Variants in STOX2 observed in about 807,000 individuals in gnomAD.
STOX2 encodes the protein storkhead box 2.
STOX2 carries 28 observed loss-of-function variants against 60.9 expected under a neutral mutation model. The observed-to-expected ratio is 0.46, with a 90% CI of 0.34 to 0.63. STOX2 has a LOEUF of 0.63. Among genes scored for constraint, STOX2 ranks in the 30% least tolerant of loss-of-function variants. The pLI is 0.01. For missense variants in STOX2, 1,024 were observed against 1,187.7 expected, an observed-to-expected ratio of 0.86 and a Z score of 2.03; for synonymous variants, 472 against 463.9, an observed-to-expected ratio of 1.02 and a Z score of -0.22.
chr4:184,000,689 T>G (rs968728141), intron 1 of STOX2, among the ~76,000 whole-genome samples: 2 of 152,200 alleles, frequency 1.3e-5, no homozygotes, highest in African/African-American at 4.8e-5. Context: ...GGTGGAACCT[T>G]GGAAATTCCT....
At chr4:183,861,717 G>A (rs768811203) in intron 1 of STOX2, among the ~76,000 whole-genome samples, 7 of 152,190 alleles carry the variant, frequency 4.6e-5, no homozygotes, top group Non-Finnish European at 8.8e-5. Flanking sequence ...TATGTAAAGT[G>A]CCTCGCAGGG....
Position 184,010,484 on chromosome 4 carries a change from CA to C in STOX2, c.1648del (p.Ser550AlafsTer10). ...VSLQRAHISS[T>X]SYKEVCIPEI... ...CTCCAAAGGGCTCACATTTCGTCCA[CA>C]AGCTATAAAGAGGTGTGTATTCCAG... On this transcript the variant is annotated frameshift_variant, in exon 3 of 4. Coordinates refer to ENST00000308497, the MANE Select transcript of STOX2 (RefSeq NM_020225.3). LOFTEE classifies it high-confidence loss of function. The surrounding 1 kb of genome is among the most constrained non-coding windows in gnomAD (Gnocchi z 4.5). 6.2e-7 allele frequency: 1 copy of C among 1,613,884 alleles called. No individual in the cohort carries two copies. The highest frequency in any genetic ancestry group is 8.5e-7 in the Non-Finnish European group (1 of 1,179,860).
chr4:183,924,736 G>A (rs1447326715), intron 1 of STOX2, among the ~76,000 whole-genome samples: 1 of 152,162 alleles, frequency 6.6e-6, no homozygotes, highest in Non-Finnish European at 1.5e-5. Flanking sequence ...GATAGAGATA[G>A]GCTCGCAAGG....
At chr4:183,953,605 G>A (rs1016524049) in intron 1 of STOX2, among the ~76,000 whole-genome samples, 2 of 145,966 alleles carry the variant, frequency 1.4e-5, no homozygotes, top group East Asian at 2.0e-4. Flanking sequence ...TGGCTTAATC[G>A]CCCAGCCTGG....
At chr4:183,976,632 T>A (rs1405547486) in intron 1 of STOX2, among the ~76,000 whole-genome samples, 1 of 152,148 alleles carries the variant, frequency 6.6e-6, no homozygotes, top group African/African-American at 2.4e-5. Flanking sequence ...GATGACAGGA[T>A]CACTCATACC....
In STOX2 at chr4:183,950,521, G is replaced by C. The variant is rs141807591; in HGVS notation, c.166+43565G>C. On this transcript the variant is annotated intron_variant, in intron 1 of 3. Transcript: ENST00000308497. ...TGGCTGGAGCTCCTGGGCAGATCAG[G>C]AGAGACAGGATGGAAAGAAGAGACA... Among the ~76,000 whole-genome samples the C allele has an allele frequency of 2.4e-3, 362 of 152,338 alleles. 10 individuals are homozygous for C. The highest frequency in any genetic ancestry group is 0.021 in the Admixed American group (328 of 15,304).
intron 1 of STOX2, among the ~76,000 whole-genome samples, chr4:183,862,603 G>T (rs1448272906): frequency 1.3e-5 from 2 of 152,238 alleles, no homozygotes; most frequent in East Asian, 3.9e-4. Flanking sequence ...ATGGGAGGGA[G>T]CAGTGGGAGG....
In STOX2 at chr4:184,010,361, C is replaced by T. The variant is rs375884130; in HGVS notation, c.1523C>T (p.Thr508Met). ...CCTCTGGGTGCTTCTTCTCTAGGGA[C>T]GCCGGAAGACCTTGCTGAAGGCTGC... Reference protein sequence around the residue: ...KGPLGASSLGTPEDLAEGCSQ... With the variant: ...KGPLGASSLGMPEDLAEGCSQ... Residue 508 changes from threonine to methionine, a missense_variant, in exon 3 of 4, where the codon ACG becomes ATG. Thr to Met is a moderately conservative substitution (Grantham distance 81). Coordinates refer to ENST00000308497, the MANE Select transcript of STOX2 (RefSeq NM_020225.3). This position sits in a 1 kb window ranked among gnomAD's most constrained non-coding sequence, Gnocchi z 4.5. The T allele has an allele frequency of 2.5e-5, 40 of 1,611,858 alleles. No homozygotes were observed. The highest frequency in any genetic ancestry group is 7.7e-5 in the South Asian group (7 of 90,536).
chr4:184,021,218 A>G lies in STOX2; in HGVS notation c.*3934A>G, dbSNP rs1239687758. ...TGCTTCCAAAGCATTCAGATTTACA[A>G]ACAATTCACAAGACAGGTCATCTTT... On this transcript the variant is annotated 3_prime_UTR_variant, in exon 4 of 4. Transcript: ENST00000308497. The G allele has an allele frequency of 2.0e-5, 3 of 152,200 alleles. No individual in the cohort carries two copies. The highest frequency in any genetic ancestry group is 4.4e-5 in the Non-Finnish European group (3 of 68,032). The allele number at this position is 152,200 out of a possible 1,614,324, so 9.4% of individuals were successfully genotyped here.
Position 184,009,412 on chromosome 4 carries a change from C to T in STOX2, c.574C>T (p.Pro192Ser). ...ASGCVRERTL[P>S]RNHCDSCHCC... ...AGGCTGTGTCAGGGAAAGGACATTG[C>T]CCCGAAACCACTGCGACTCTTGCCA... The change falls in exon 3 of 4, where the codon CCC (proline) becomes TCC (serine). Residue 192 changes from proline (P) to serine (S), a missense_variant. Transcript: ENST00000308497. This position sits in a 1 kb window ranked among gnomAD's most constrained non-coding sequence, Gnocchi z 4.0. 2 of 1,614,000 alleles carry T rather than the reference C, an allele frequency of 1.2e-6. No homozygotes were observed. Among genetic ancestry groups the T allele is most frequent in the Non-Finnish European group, 1.7e-6 (2 of 1,179,890 alleles).
chr4:183,905,523 T>A lies in STOX2; in HGVS notation c.-1268T>A, dbSNP rs1331166519. 1 of 152,158 alleles carries A rather than the reference T, an allele frequency of 6.6e-6. No homozygotes were observed. The highest frequency in any genetic ancestry group is 1.5e-5 in the Non-Finnish European group (1 of 68,036). The allele number at this position is 152,158 out of a possible 1,614,324, so 9.4% of individuals were successfully genotyped here. A position where few individuals can be genotyped will look rare whatever the true frequency, so the allele number is the denominator to read the frequency against. ...CCCCTCCCTCTGGCTTTAGCTTCCT[T>A]TGGGGTTGGCGCAGGTGGGCCAGGC... On this transcript the variant is annotated 5_prime_UTR_variant, in exon 1 of 4. The change creates a new upstream start codon in the 5' untranslated region. Coordinates refer to ENST00000308497, the MANE Select transcript of STOX2 (RefSeq NM_020225.3).
chr4:183,810,960 C>T (rs1739021550), intron 1 of STOX2, among the ~76,000 whole-genome samples: 1 of 152,022 alleles, frequency 6.6e-6, no homozygotes, highest in Non-Finnish European at 1.5e-5. Context: ...TGAAGACAGG[C>T]CAGGGTGATC....
intron 1 of STOX2, among the ~76,000 whole-genome samples, chr4:183,817,020 G>A (rs987824166): frequency 1.3e-5 from 2 of 152,142 alleles, no homozygotes; most frequent in African/African-American, 4.8e-5. Flanking sequence ...TTTTTGCTGT[G>A]AGCTCTGATA....
chr4:183,887,308 G>A (rs920943480), intron 1 of STOX2, among the ~76,000 whole-genome samples: 2 of 152,220 alleles, frequency 1.3e-5, no homozygotes, highest in Admixed American at 6.5e-5. Context: ...GTACAGGGAC[G>A]TCATAGCTAA....
At chr4:183,839,752 T>C (rs1739806812) in intron 1 of STOX2, among the ~76,000 whole-genome samples, 1 of 152,250 alleles carries the variant, frequency 6.6e-6, no homozygotes, top group South Asian at 2.1e-4. Flanking sequence ...GAATTTGAAA[T>C]ATATGTGAGT....
intron 1 of STOX2, among the ~76,000 whole-genome samples, chr4:183,849,282 A>G (rs1339716331): frequency 5.3e-5 from 8 of 152,230 alleles, no homozygotes; most frequent in Non-Finnish European, 1.2e-4. Context: ...TTGAGACTTT[A>G]GGGTGGAACT....
chr4:184,008,056 T>TA (rs1222577774), intron 2 of STOX2, among the ~76,000 whole-genome samples: 2 of 152,234 alleles, frequency 1.3e-5, no homozygotes, highest in Non-Finnish European at 2.9e-5. Context: ...GTCTCCACCT[T>TA]ACACTGCCTT....
In STOX2 at chr4:183,824,186, A is replaced by C. The variant is rs148435818; in HGVS notation, c.364+26131A>C. On this transcript the variant is annotated intron_variant, in intron 1 of 2. Coordinates refer to the STOX2 transcript ENST00000513034. The stretch of plus-strand genomic sequence containing the variant: ...TTTAAAATAATTTTGGGATTAAAAC[A>C]ATGTAATAATAAATTCATACTGGCC... Among the ~76,000 whole-genome samples the C allele has an allele frequency of 3.9e-3, 600 of 152,362 alleles. 2 individuals carry two copies. Among genetic ancestry groups the C allele is most frequent in the African/African-American group, 0.014 (581 of 41,582 alleles).
intron 1 of STOX2, among the ~76,000 whole-genome samples, chr4:183,818,574 C>G (rs561009439): frequency 6.6e-6 from 1 of 152,376 alleles, no homozygotes; most frequent in Non-Finnish European, 1.5e-5. Context: ...ACAAAACCGC[C>G]ATCGTCATCA....
Sources: gnomAD v4.1 joint callset for allele counts (sites outside exome capture counted in the v4.1 genomes callset) on GRCh38, gnomAD v4.1.1 for gene constraint, Gnocchi (gnomAD v3.1) non-coding constraint, MANE v1.5 for transcripts, NCBI Gene and HGNC (gene_info 2026-07-23, HGNC 2026-07-21) for gene names.